The following DOCK2 variants were observed in gnomAD, a reference collection of about 807,000 sequenced individuals.
DOCK2 encodes dedicator of cytokinesis protein 2.
Under a neutral mutation model 248.9 loss-of-function variants are expected in DOCK2, and 87 were observed. That is an observed-to-expected ratio of 0.35 (90% CI 0.29 to 0.42). The LOEUF is 0.42. Ranked by LOEUF, DOCK2 falls within the 10% of genes least tolerant of loss-of-function variation. The probability of loss-of-function intolerance (pLI) is 1.00; values close to 1 mark genes in which losing one functional copy is unlikely to be tolerated. For synonymous variants in DOCK2, 805 were observed against 821.6 expected (o/e 0.98, Z 0.35); for missense variants, 1,747 against 2,300.2 (o/e 0.76, Z 4.92).
intron 23 of DOCK2, among the ~76,000 whole-genome samples, chr5:169,756,388 A>G (rs1261955563): frequency 2.6e-5 from 4 of 152,202 alleles, no homozygotes; most frequent in Admixed American, 2.6e-4. Flanking sequence ...GTTTCTGTGC[A>G]TGTTTCTCAC....
intron 10 of DOCK2, among the ~76,000 whole-genome samples, chr5:169,696,172 A>G (rs1760612229): frequency 6.6e-6 from 1 of 152,200 alleles, no homozygotes; most frequent in Non-Finnish European, 1.5e-5. Flanking sequence ...GGAGTAGAGC[A>G]TCGGGAGACC....
chr5:170,058,520 T>A (rs76873927), intron 44 of DOCK2, among the ~76,000 whole-genome samples: 1 of 152,064 alleles, frequency 6.6e-6, no homozygotes, highest in Non-Finnish European at 1.5e-5. Context: ...ATACTGGCTG[T>A]TGAGGAGAGG....
intron 27 of DOCK2, among the ~76,000 whole-genome samples, chr5:169,938,892 CTTTCTTTTTTTTCT>C (rs1366792504): frequency 6.7e-6 from 1 of 149,032 alleles, no homozygotes; most frequent in Admixed American, 6.9e-5. Flanking sequence ...AAGCATTTTT[CTTTCTTTTTTTTCT>C]TTTCTTTTTT....
At chr5:170,051,407 C>G (rs926430374) in intron 41 of DOCK2, among the ~76,000 whole-genome samples, 2 of 152,174 alleles carry the variant, frequency 1.3e-5, no homozygotes, top group African/African-American at 4.8e-5. Flanking sequence ...GTTCCTGCCT[C>G]TGAGCATTCA....
chr5:170,080,462 G>T (rs973618916), intron 50 of DOCK2, 179 bp downstream of exon 50: 39 of 941,996 alleles, frequency 4.1e-5, no homozygotes, highest in Non-Finnish European at 5.6e-5. Flanking sequence ...CCACTTCCTG[G>T]GGGTGACACC....
intron 27 of DOCK2, among the ~76,000 whole-genome samples, chr5:169,978,387 GT>G (rs1274537217): frequency 0.01 from 612 of 60,062 alleles, 51 homozygotes; most frequent in Non-Finnish European, 0.017. Context: ...GTGTGTGTGT[GT>G]GTGTGGGGGG....
At chr5:169,668,833 A>T (rs754254494) in intron 2 of DOCK2, among the ~76,000 whole-genome samples, 2 of 152,150 alleles carry the variant, frequency 1.3e-5, no homozygotes, top group African/African-American at 4.8e-5. Flanking sequence ...TGTCAGTGTT[A>T]TTTTAGGATG....
intron 25 of DOCK2, among the ~76,000 whole-genome samples, chr5:169,780,215 A>G (rs1405955164): frequency 1.3e-5 from 2 of 151,948 alleles, no homozygotes; most frequent in Non-Finnish European, 2.9e-5. Flanking sequence ...CCCTAGCTGT[A>G]AACTCTGCTC....
intron 26 of DOCK2, among the ~76,000 whole-genome samples, chr5:169,816,734 G>A (rs1768089602): frequency 6.6e-6 from 1 of 151,788 alleles, no homozygotes; most frequent in African/African-American, 2.4e-5. Flanking sequence ...TGTATTTATG[G>A]GGTACGTGAG....
chr5:170,071,893 C>G (rs1757692134), intron 46 of DOCK2, among the ~76,000 whole-genome samples: 1 of 152,116 alleles, frequency 6.6e-6, no homozygotes, highest in Admixed American at 6.5e-5. Flanking sequence ...CTTATTTTGC[C>G]CAATGTTATG....
chr5:169,912,274 G>A (rs1164797559), intron 27 of DOCK2, among the ~76,000 whole-genome samples: 1 of 152,074 alleles, frequency 6.6e-6, no homozygotes, highest in Non-Finnish European at 1.5e-5. Context: ...TGCCCAGGCT[G>A]ATGTCAAACT....
intron 27 of DOCK2, among the ~76,000 whole-genome samples, chr5:169,961,804 C>G (rs988159855): frequency 2.6e-5 from 4 of 151,596 alleles, no homozygotes; most frequent in African/African-American, 9.7e-5. Context: ...ATGGTGAAAC[C>G]CCATCTCTAC....
chr5:169,743,255 T>G (rs922498920), intron 22 of DOCK2, among the ~76,000 whole-genome samples: 3 of 152,248 alleles, frequency 2.0e-5, no homozygotes, highest in East Asian at 1.9e-4. Flanking sequence ...ATTTTTTTCC[T>G]TAGTCACTCC....
At position 169,694,797 on chromosome 5, in the gene DOCK2, T is replaced by C. The variant is rs1212192514; in HGVS notation, c.844-1006T>C. On this transcript the variant is annotated intron_variant, in intron 9 of 51. Transcript: ENST00000520908. ...GAGTTTGAAATCAGCCTGGACAACA[T>C]AGTGAGACCCCATCTCTTAAAAAAA... is the stretch of plus-strand genomic sequence containing the variant. 2.6e-5 allele frequency among the ~76,000 whole-genome samples: 4 copies of C among 151,628 alleles called. No individual in the cohort carries two copies. The East Asian group carries it at 7.8e-4, about 29-fold the overall frequency.
At chr5:170,061,534 C>T (rs1376980920) in intron 44 of DOCK2, among the ~76,000 whole-genome samples, 1 of 152,172 alleles carries the variant, frequency 6.6e-6, no homozygotes, top group East Asian at 1.9e-4. Flanking sequence ...ATTAGCTAAA[C>T]CGTGGGTTTA....
At chr5:169,731,814 A>G (rs537237175) in intron 22 of DOCK2, among the ~76,000 whole-genome samples, 34 of 152,082 alleles carry the variant, frequency 2.2e-4, no homozygotes, top group Admixed American at 8.5e-4. Context: ...AGGAGTGATA[A>G]AATGAAGAGC....
chr5:169,929,741 CAAAAA>C (rs1211612989), intron 27 of DOCK2, among the ~76,000 whole-genome samples: 3 of 62,952 alleles, frequency 4.8e-5, no homozygotes, highest in Non-Finnish European at 6.7e-5. Flanking sequence ...GACCCTGTCT[CAAAAA>C]AAAAAAAAAA....
intron 33 of DOCK2, among the ~76,000 whole-genome samples, chr5:170,022,577 T>G (rs1474013214): frequency 6.6e-6 from 1 of 152,048 alleles, no homozygotes; most frequent in Non-Finnish European, 1.5e-5. Context: ...ATTCCCTTGG[T>G]GGGGTTGTGG....
intron 22 of DOCK2, among the ~76,000 whole-genome samples, chr5:169,744,909 C>T (rs1043503405): frequency 2.6e-5 from 4 of 152,142 alleles, no homozygotes; most frequent in African/African-American, 9.7e-5. Context: ...AACTCCCCAC[C>T]ACACACACAG....
Sources: allele counts gnomAD v4.1 joint callset (sites outside exome capture counted in the v4.1 genomes callset), GRCh38; gene constraint gnomAD v4.1.1; transcripts MANE v1.5; gene names NCBI Gene and HGNC (gene_info 2026-07-23, HGNC 2026-07-21).